The following TENM3 variants were observed in gnomAD, a reference collection of about 807,000 sequenced individuals.
TENM3 encodes the protein teneurin transmembrane protein 3.
In TENM3, 63 loss-of-function variants were observed where a neutral mutation model predicts 255.1. The ratio of observed to expected loss-of-function variants is 0.25; its 90% CI spans 0.20 to 0.30. TENM3 has a LOEUF of 0.30. Among genes scored for constraint, TENM3 ranks in the 10% least tolerant of loss-of-function variants. The pLI is 1.00. For missense variants in TENM3, 2,929 were observed against 3,461.1 expected (o/e 0.85, Z 3.86); for synonymous variants, 1,306 against 1,322.3 (o/e 0.99, Z 0.27).
chr4:182,772,771 A>C (rs764472542), intron 22 of TENM3, among the ~76,000 whole-genome samples: 8 of 152,150 alleles, frequency 5.3e-5, no homozygotes, highest in Non-Finnish European at 8.8e-5. Context: ...TAAAAAAAAA[A>C]CAAATAATCA....
chr4:181,940,987 A>T, the TENM3 span, among the ~76,000 whole-genome samples: 2 of 152,214 alleles, frequency 1.3e-5, no homozygotes, highest in Non-Finnish European at 2.9e-5. Flanking sequence ...ACCGGGTGTG[A>T]GAAAGAGAAA....
At chr4:182,683,131 A>G (rs1451296078) in intron 11 of TENM3, among the ~76,000 whole-genome samples, 3 of 152,204 alleles carry the variant, frequency 2.0e-5, no homozygotes, top group Non-Finnish European at 4.4e-5. Flanking sequence ...GTGGATTCAT[A>G]TCCAATCTGT....
chr4:182,066,906 A>C, the TENM3 span, among the ~76,000 whole-genome samples: 3 of 152,112 alleles, frequency 2.0e-5, no homozygotes, highest in South Asian at 2.1e-4. Flanking sequence ...GCGAGACTCC[A>C]TCTCAAATAT....
the TENM3 span, among the ~76,000 whole-genome samples, chr4:181,461,538 T>C: frequency 3.3e-5 from 5 of 152,174 alleles, no homozygotes; most frequent in Non-Finnish European, 7.4e-5. Flanking sequence ...TCATTGATGC[T>C]CTGCTGATTT....
At chr4:182,701,411 G>A (rs78374339) in intron 12 of TENM3, among the ~76,000 whole-genome samples, 15,811 of 151,378 alleles carry the variant, frequency 0.1, 1,114 homozygotes, top group Admixed American at 0.14. Flanking sequence ...TAGTAGAGAC[G>A]AGGTTTCCTC....
the TENM3 span, among the ~76,000 whole-genome samples, chr4:181,662,977 G>A: frequency 2.6e-5 from 4 of 152,094 alleles, no homozygotes; most frequent in Admixed American, 1.3e-4. Flanking sequence ...ATAGCTCAAC[G>A]ATACCCGGAG....
At chr4:182,105,607 C>T in the TENM3 span, among the ~76,000 whole-genome samples, 5 of 152,234 alleles carry the variant, frequency 3.3e-5, no homozygotes, top group Non-Finnish European at 7.3e-5. Flanking sequence ...CCAGACACAG[C>T]TCTCATTGTC....
At chr4:181,989,799 T>G in the TENM3 span, among the ~76,000 whole-genome samples, 1 of 152,162 alleles carries the variant, frequency 6.6e-6, no homozygotes, top group Admixed American at 6.6e-5. Context: ...TAAGACCTGT[T>G]TTTTAATGCT....
At chr4:181,458,412 A>C in the TENM3 span, among the ~76,000 whole-genome samples, 1 of 151,918 alleles carries the variant, frequency 6.6e-6, no homozygotes, top group Non-Finnish European at 1.5e-5. Context: ...TTTCTCATTA[A>C]AGGTGAAACC....
chr4:181,736,252 G>A, the TENM3 span, among the ~76,000 whole-genome samples: 1 of 152,090 alleles, frequency 6.6e-6, no homozygotes, highest in South Asian at 2.1e-4. Flanking sequence ...AAGGCGAGAC[G>A]GCGCCATTGC....
chr4:182,741,353 G>T (rs1761591065), intron 18 of TENM3, among the ~76,000 whole-genome samples: 1 of 152,234 alleles, frequency 6.6e-6, no homozygotes, highest in South Asian at 2.1e-4. Context: ...TGACAAGGTG[G>T]ATGAGCTATA....
At chr4:182,351,768 C>T (rs1765196188) in intron 3 of TENM3, among the ~76,000 whole-genome samples, 1 of 152,136 alleles carries the variant, frequency 6.6e-6, no homozygotes, top group African/African-American at 2.4e-5. Flanking sequence ...ACTACCACCT[C>T]CCGACTTTGA....
intron 1 of TENM3, among the ~76,000 whole-genome samples, chr4:182,154,416 C>T (rs144749684): frequency 1.2e-3 from 184 of 152,264 alleles, no homozygotes; most frequent in African/African-American, 4.3e-3. Flanking sequence ...ACTAGACTAG[C>T]TGGCTATCAT....
chr4:182,760,965 GATA>G (rs779479352), intron 22 of TENM3, among the ~76,000 whole-genome samples: 1 of 152,096 alleles, frequency 6.6e-6, no homozygotes, highest in Non-Finnish European at 1.5e-5. Flanking sequence ...AAAACGCAAT[GATA>G]ATTATTCATT....
the TENM3 span, among the ~76,000 whole-genome samples, chr4:181,825,976 C>T: frequency 2.0e-5 from 3 of 152,250 alleles, no homozygotes; most frequent in East Asian, 1.9e-4. Flanking sequence ...CAAAACCTAG[C>T]GCAGGACCAA....
chr4:181,904,313 C>G, the TENM3 span, among the ~76,000 whole-genome samples: 1 of 152,152 alleles, frequency 6.6e-6, no homozygotes, highest in African/African-American at 2.4e-5. Context: ...ACCCACCTAG[C>G]AGCCTTTTAG....
the TENM3 span, among the ~76,000 whole-genome samples, chr4:181,633,343 A>G: frequency 6.6e-6 from 1 of 152,222 alleles, no homozygotes; most frequent in South Asian, 2.1e-4. Context: ...TTTAGCAGCT[A>G]TTCTAGATCA....
intron 12 of TENM3, among the ~76,000 whole-genome samples, chr4:182,696,417 G>A (rs1353933838): frequency 1.3e-5 from 2 of 152,162 alleles, no homozygotes; most frequent in Non-Finnish European, 2.9e-5. Flanking sequence ...TAGAGACATG[G>A]CAAGCACTGA....
At chr4:181,980,184 C>T in the TENM3 span, 4,630 of 152,346 alleles carry the variant, frequency 0.03, 84 homozygotes, top group Non-Finnish European at 0.043. Flanking sequence ...TCCCTAATGT[C>T]AGAGGCAATA....
Sources: allele counts gnomAD v4.1 joint callset (sites outside exome capture counted in the v4.1 genomes callset), GRCh38; gene constraint gnomAD v4.1.1; transcripts MANE v1.5; gene names NCBI Gene and HGNC (gene_info 2026-07-23, HGNC 2026-07-21).